GOLGA3: variants seen among roughly 807,000 people sequenced by gnomAD.
GOLGA3 encodes golgin subfamily A member 3.
GOLGA3 carries 75 observed loss-of-function variants against 169.4 expected under a neutral mutation model. The ratio of observed to expected loss-of-function variants is 0.44; its 90% CI spans 0.37 to 0.54. GOLGA3 has a LOEUF of 0.54. GOLGA3 is among the 20% of genes least tolerant of loss of function. The pLI is 0.00. For missense variants in GOLGA3, 1,899 were observed against 1,930.0 expected (o/e 0.98, Z 0.30); for synonymous variants, 824 against 822.4 (o/e 1.00, Z -0.03).
intron 18 of GOLGA3, among the ~76,000 whole-genome samples, chr12:132,779,258 T>C (rs947210306): frequency 6.6e-6 from 1 of 152,108 alleles, no homozygotes; most frequent in Non-Finnish European, 1.5e-5. Flanking sequence ...TTTGTATTCA[T>C]AGTAGAGACA....
intron 7 of GOLGA3, among the ~76,000 whole-genome samples, chr12:132,803,815 C>T (rs1208763844): frequency 1.3e-5 from 2 of 152,154 alleles, no homozygotes; most frequent in Non-Finnish European, 2.9e-5. Context: ...ACCAGGGACC[C>T]CTGGCTCAGG....
At chr12:132,784,010 A>G (rs1212124910) in intron 16 of GOLGA3, 154 bp downstream of exon 16, 1 of 1,508,286 alleles carries the variant, frequency 6.6e-7, no homozygotes, top group African/African-American at 1.4e-5. Flanking sequence ...CCCACCACAG[A>G]GCCAGAGGCC....
At chr12:132,789,418 A>G (rs1045029959) in intron 12 of GOLGA3, 128 bp from the exon 13 acceptor site, 10 of 733,382 alleles carry the variant, frequency 1.4e-5, no homozygotes, top group Admixed American at 5.9e-5. Flanking sequence ...AGGTAAAGAT[A>G]CATTTCATCA....
rs779487468 is a variant in GOLGA3, at chr12:132,784,096, G to A, written c.3267+68C>T. 28 of 1,596,584 alleles carry A rather than the reference G, an allele frequency of 1.8e-5. No homozygotes were observed. The African/African-American group carries it at 2.3e-4, about 13-fold the overall frequency. On this transcript the variant is annotated intron_variant, in intron 16 of 23. Transcript: ENST00000450791. ...AAGTTTTGTTCTTCGGGTCTCACGC[G>A]TGGCGGCATGTCCAGGGCTCACGTG...
At chr12:132,801,665 C>T (rs573027037) in intron 8 of GOLGA3, 102 bp downstream of exon 8, 27 of 1,138,152 alleles carry the variant, frequency 2.4e-5, no homozygotes, top group Non-Finnish European at 3.1e-5. Flanking sequence ...AAAACAAAAA[C>T]ATGCCTGTGA....
intron 18 of GOLGA3, among the ~76,000 whole-genome samples, chr12:132,779,776 C>G (rs540962163): frequency 1.5e-5 from 2 of 131,674 alleles, no homozygotes; most frequent in East Asian, 2.3e-4. Flanking sequence ...TGGACACCCC[C>G]CCCGTGCACA....
intron 6 of GOLGA3, among the ~76,000 whole-genome samples, chr12:132,805,560 G>A (rs867659837): frequency 5.5e-5 from 3 of 54,070 alleles, no homozygotes; most frequent in Non-Finnish European, 7.2e-5. Context: ...ACCCCCAGGC[G>A]CTCTCCCAAG....
intron 12 of GOLGA3, 76 bp downstream of exon 12, chr12:132,791,140 T>C (rs771746895): frequency 6.0e-6 from 4 of 661,416 alleles, no homozygotes; most frequent in Non-Finnish European, 1.1e-5. Flanking sequence ...GACATTGGAA[T>C]TGCTAAGCAA....
In GOLGA3 at chr12:132,804,945, G is replaced by T. The variant is rs1308101150; in HGVS notation, c.1368C>A (p.Ser456Arg). The part of the protein sequence containing the change: ...STKLQAQVEC[S>R]HSSQQRQDSL... ...AATCCTGCCGCTGCTGGCTGCTGTG[G>T]CTGCACTCCACCTGCGCCTGCAGCT... is the stretch of plus-strand genomic sequence containing the variant. The change falls in exon 7 of 24, where the codon AGC becomes AGA. Residue 456 changes from serine to arginine, a missense_variant. Ser to Arg is a moderately radical substitution (Grantham distance 110). Transcript: ENST00000450791. This position sits in a 1 kb window ranked among gnomAD's most constrained non-coding sequence, Gnocchi z 4.1. 2.5e-6 allele frequency: 4 copies of T among 1,613,458 alleles called. No homozygotes were observed. The Admixed American group carries it at 5.0e-5, about 20-fold the overall frequency.
intron 4 of GOLGA3, among the ~76,000 whole-genome samples, chr12:132,811,406 G>C (rs560759320): frequency 2.4e-4 from 36 of 152,096 alleles, no homozygotes; most frequent in African/African-American, 7.7e-4. Flanking sequence ...TATCCTTTTT[G>C]TTGTTATAAA....
intron 2 of GOLGA3, among the ~76,000 whole-genome samples, chr12:132,819,106 G>A (rs993859487): frequency 6.6e-6 from 1 of 150,942 alleles, no homozygotes; most frequent in Non-Finnish European, 1.5e-5. Context: ...AGGGTCCTCA[G>A]GGGGTTCTGG....
intron 3 of GOLGA3, among the ~76,000 whole-genome samples, chr12:132,815,546 G>A (rs1247209282): frequency 6.6e-6 from 1 of 152,344 alleles, no homozygotes; most frequent in African/African-American, 2.4e-5. Context: ...AATGCAGTCT[G>A]ATTTCAGTAA....
rs149703081 is a variant in GOLGA3, at chr12:132,775,160, C to A, written c.4124G>T (p.Arg1375Leu). 2 of 1,613,794 alleles carry A rather than the reference C, an allele frequency of 1.2e-6. No individual in the cohort carries two copies. The highest frequency in any genetic ancestry group is 1.7e-6 in the Non-Finnish European group (2 of 1,179,988). ...QQNQQLKLDL[R>L]RGAAKTRKEP... ...GAGTACCGTCTTGGCCGCGCCGCGG[C>A]GTAGGTCCAGCTTGAGCTGCTGGTT... The change falls in exon 22 of 24, where the codon CGC becomes CTC. Residue 1375 changes from arginine to leucine, a missense_variant. Transcript: ENST00000450791.
Position 132,775,145 on chromosome 12 carries a change from T to C in GOLGA3, c.4139A>G (p.Lys1380Arg). ...LKLDLRRGAAKTRKEPKGEAS... is the reference protein window; with the variant it reads ...LKLDLRRGAARTRKEPKGEAS... ...GAGGGACGCGGGCCTGAGTACCGTC[T>C]TGGCCGCGCCGCGGCGTAGGTCCAG... Residue 1380 changes from lysine to arginine, a missense_variant, in exon 22 of 24, where the codon AAG becomes AGG. Physicochemically the swap from Lys to Arg is conservative, Grantham distance 26 (BLOSUM62 2). Transcript: ENST00000450791. The C allele has an allele frequency of 6.2e-7, 1 of 1,613,266 alleles. No individual in the cohort carries two copies. The highest frequency in any genetic ancestry group is 8.5e-7 in the Non-Finnish European group (1 of 1,179,980).
In GOLGA3 at chr12:132,769,026, C is replaced by G. The variant is rs1272152180; in HGVS notation, c.*4079G>C. ...TTACACTTTGTCAGACACGGTGACC[C>G]CTTTCCCAAGAACAGCCACAACTTG... On this transcript the variant is annotated 3_prime_UTR_variant, in exon 24 of 24. Coordinates refer to ENST00000450791, the MANE Select transcript of GOLGA3 (RefSeq NM_001389683.1). The G allele has an allele frequency of 6.5e-6, 1 of 152,674 alleles. No individual in the cohort carries two copies. The highest frequency in any genetic ancestry group is 2.4e-5 in the African/African-American group (1 of 41,470). 9.5% of individuals were successfully genotyped at this position (152,674 alleles called of 1,614,324 possible).
At chr12:132,779,087 A>AT (rs1266701204) in intron 18 of GOLGA3, among the ~76,000 whole-genome samples, 13 of 148,574 alleles carry the variant, frequency 8.7e-5, no homozygotes, top group African/African-American at 1.5e-4. Context: ...TTCCAGCCAC[A>AT]TTTTTTTTTT....
At chr12:132,782,593 T>G (rs1256442164) in intron 16 of GOLGA3, 100 bp from the exon 17 acceptor site, 2 of 944,432 alleles carry the variant, frequency 2.1e-6, no homozygotes, top group Non-Finnish European at 3.4e-6. Context: ...AGCGAAAACT[T>G]AGGCCAGGCG....
intron 2 of GOLGA3, among the ~76,000 whole-genome samples, chr12:132,818,053 T>C (rs1349662706): frequency 8.2e-5 from 6 of 73,610 alleles, no homozygotes; most frequent in East Asian, 4.0e-4. Context: ...TCCACACCTG[T>C]ACGCTCTAAC....
intron 4 of GOLGA3, among the ~76,000 whole-genome samples, chr12:132,809,629 T>C (rs1362767949): frequency 6.6e-6 from 1 of 152,258 alleles, no homozygotes; most frequent in Non-Finnish European, 1.5e-5. Flanking sequence ...TCTTGCCTTC[T>C]GGTCACACCT....
Sources: allele counts gnomAD v4.1 joint callset (sites outside exome capture counted in the v4.1 genomes callset), GRCh38; gene constraint gnomAD v4.1.1; non-coding constraint Gnocchi (gnomAD v3.1); transcripts MANE v1.5; gene names NCBI Gene and HGNC (gene_info 2026-07-23, HGNC 2026-07-21).